Variants in DOCK1 observed in about 807,000 individuals in gnomAD.
The protein encoded by DOCK1 is dedicator of cytokinesis protein 1.
Under a neutral mutation model 262.7 loss-of-function variants are expected in DOCK1, and 138 were observed. That is an observed-to-expected ratio of 0.53 (90% confidence interval 0.46 to 0.61). The LOEUF (loss-of-function observed/expected upper bound fraction) is 0.61. Ranked by LOEUF, DOCK1 falls within the 20% of genes least tolerant of loss-of-function variation. DOCK1 has a pLI of 0.00. For synonymous variants in DOCK1, 866 were observed against 867.4 expected, an observed-to-expected ratio of 1.00 and a Z score of 0.03; for missense variants, 1,908 against 2,370.7, an observed-to-expected ratio of 0.80 and a Z score of 4.05.
At chr10:127,278,150 T>C (rs2060812836) in intron 29 of DOCK1, among the ~76,000 whole-genome samples, 1 of 152,144 alleles carries the variant, frequency 6.6e-6, no homozygotes, top group African/African-American at 2.4e-5. Context: ...TTAAACACTC[T>C]GTTAAACTAA....
chr10:126,963,621 TTCCCTTCCCTTC>T (rs1323095431), intron 1 of DOCK1, among the ~76,000 whole-genome samples: 102 of 61,998 alleles, frequency 1.6e-3, no homozygotes, highest in African/African-American at 8.0e-3. Context: ...TTCCCTTCCC[TTCCCTTCCCTTC>T]CCTTCCCTCC....
intron 1 of DOCK1, among the ~76,000 whole-genome samples, chr10:126,954,999 G>A (rs1293678728): frequency 1.3e-5 from 2 of 152,178 alleles, no homozygotes; most frequent in Admixed American, 6.5e-5. Flanking sequence ...TTTTTCCGCG[G>A]CTGCACCATT....
At chr10:127,306,858 A>G (rs1188838838) in intron 29 of DOCK1, among the ~76,000 whole-genome samples, 1 of 152,124 alleles carries the variant, frequency 6.6e-6, no homozygotes, top group Non-Finnish European at 1.5e-5. Flanking sequence ...CTTAAAAGGA[A>G]TTTTACCATA....
At chr10:126,996,289 A>C (rs1427348746) in intron 6 of DOCK1, among the ~76,000 whole-genome samples, 1 of 148,768 alleles carries the variant, frequency 6.7e-6, no homozygotes, top group Non-Finnish European at 1.5e-5. Context: ...CTGAGGCAGG[A>C]GAATTGCTTG....
chr10:126,911,677 TC>T (rs909347800), intron 1 of DOCK1, among the ~76,000 whole-genome samples: 1 of 152,154 alleles, frequency 6.6e-6, no homozygotes, highest in Non-Finnish European at 1.5e-5. Flanking sequence ...TTGAACCTCT[TC>T]CAGCCTGGTT....
At position 126,970,653 on chromosome 10, in the gene DOCK1, C is replaced by A. The variant is rs2134674410; in HGVS notation, c.47-49C>A. 3 of 1,447,324 alleles carry A rather than the reference C, an allele frequency of 2.1e-6. No individual in the cohort carries two copies. In the South Asian group the frequency reaches 3.5e-5, roughly 17 times the overall value. The allele number at this position is 1,447,324 out of a possible 1,614,324, so 89.7% of individuals were successfully genotyped here. ...ACAAGCCAACACGACTCAGCATGGTCACTTCTATCTTTACTATTACTAATA... is the reference window on the plus strand; with the variant it reads ...ACAAGCCAACACGACTCAGCATGGTAACTTCTATCTTTACTATTACTAATA... On this transcript the variant is annotated intron_variant, in intron 1 of 51. Coordinates refer to ENST00000623213, the MANE Select transcript of DOCK1 (RefSeq NM_001290223.2).
chr10:126,938,498 T>C (rs1325496599), intron 1 of DOCK1, among the ~76,000 whole-genome samples: 1 of 152,248 alleles, frequency 6.6e-6, no homozygotes. Context: ...TTCTCTTCTA[T>C]TGGTCTCTGT....
intron 1 of DOCK1, among the ~76,000 whole-genome samples, chr10:126,925,693 T>G (rs951017559): frequency 6.6e-6 from 1 of 151,738 alleles, no homozygotes; most frequent in African/African-American, 2.4e-5. Context: ...TATGTGAACA[T>G]GTCTAAACAC....
At chr10:127,000,091 C>T (rs2040479185) in intron 9 of DOCK1, 81 bp from the exon 10 acceptor site, 3 of 1,516,164 alleles carry the variant, frequency 2.0e-6, no homozygotes, top group Non-Finnish European at 2.7e-6. Context: ...AGTCTCAATC[C>T]ATTTTTTTAC....
intron 25 of DOCK1, among the ~76,000 whole-genome samples, chr10:127,113,370 G>GTGAGATTCCCA (rs1387547788): frequency 6.6e-6 from 1 of 152,206 alleles, no homozygotes; most frequent in Non-Finnish European, 1.5e-5. Context: ...CCTGGGTGAA[G>GTGAGATTCCCA]TGAGATTCCC....
intron 29 of DOCK1, among the ~76,000 whole-genome samples, chr10:127,334,534 C>G (rs1166972535): frequency 6.6e-6 from 1 of 152,050 alleles, no homozygotes; most frequent in Non-Finnish European, 1.5e-5. Flanking sequence ...GAATCAATTA[C>G]CAAGAAGAGA....
chr10:126,905,859 A>G (rs1192754638), intron 1 of DOCK1, among the ~76,000 whole-genome samples: 1 of 150,844 alleles, frequency 6.6e-6, no homozygotes, highest in Non-Finnish European at 1.5e-5. Context: ...GCTCCTCTGG[A>G]CCTCTGCCGT....
At chr10:127,158,257 T>C (rs540311043) in intron 27 of DOCK1, among the ~76,000 whole-genome samples, 1 of 152,366 alleles carries the variant, frequency 6.6e-6, no homozygotes, top group Non-Finnish European at 1.5e-5. Context: ...ATTCTCTATA[T>C]TGCCATTGCC....
At chr10:127,106,733 C>T (rs998404045) in intron 24 of DOCK1, among the ~76,000 whole-genome samples, 4 of 152,018 alleles carry the variant, frequency 2.6e-5, no homozygotes, top group South Asian at 2.1e-4. Context: ...AAGCAGAAGA[C>T]TCAGAAGTTA....
intron 45 of DOCK1, among the ~76,000 whole-genome samples, chr10:127,418,867 C>A (rs917214768): frequency 2.0e-5 from 3 of 152,216 alleles, no homozygotes; most frequent in Non-Finnish European, 2.9e-5. Context: ...TAAAGTTAGA[C>A]AAAAACACCA....
At chr10:127,305,100 C>T (rs187204499) in intron 29 of DOCK1, among the ~76,000 whole-genome samples, 148 of 152,000 alleles carry the variant, frequency 9.7e-4, no homozygotes, top group African/African-American at 3.4e-3. Flanking sequence ...AGTTGTCTCA[C>T]CCCAGTCTAA....
At chr10:127,161,591 C>G (rs2053598594) in intron 27 of DOCK1, among the ~76,000 whole-genome samples, 1 of 152,230 alleles carries the variant, frequency 6.6e-6, no homozygotes, top group African/African-American at 2.4e-5. Flanking sequence ...CTGTTCTCCC[C>G]TGCTTTTGGG....
intron 27 of DOCK1, among the ~76,000 whole-genome samples, chr10:127,131,355 C>G (rs1302373511): frequency 6.6e-6 from 1 of 152,130 alleles, no homozygotes; most frequent in African/African-American, 2.4e-5. Flanking sequence ...ATTCCACCAT[C>G]TCTAAGATCT....
chr10:127,347,357 G>A (rs79336816), intron 31 of DOCK1, among the ~76,000 whole-genome samples: 1,652 of 152,322 alleles, frequency 0.011, 34 homozygotes, highest in African/African-American at 0.037. Flanking sequence ...AGTGGGGCAC[G>A]CATGCAGTGG....
Sources: gnomAD v4.1 joint callset for allele counts (sites outside exome capture counted in the v4.1 genomes callset) on GRCh38, gnomAD v4.1.1 for gene constraint, MANE v1.5 for transcripts, NCBI Gene and HGNC (gene_info 2026-07-23, HGNC 2026-07-21) for gene names.